CLASRP: variants seen among roughly 807,000 people sequenced by gnomAD.
CLASRP encodes the protein CLK4-associating serine/arginine rich protein.
A neutral mutation model predicts 99.9 loss-of-function variants in CLASRP; 52 were observed. The ratio of observed to expected loss-of-function variants is 0.52; its 90% CI spans 0.42 to 0.66. The LOEUF is 0.66. Ranked by LOEUF, CLASRP falls within the 30% of genes least tolerant of loss-of-function variation. The pLI is 0.00. For missense variants in CLASRP, 848 were observed against 999.2 expected (o/e 0.85, Z 2.04); for synonymous variants, 379 against 373.0 (o/e 1.02, Z -0.18).
chr19:45,064,304 C>G (rs755232335), intron 12 of CLASRP, 39 bp from the exon 13 acceptor site: 1 of 1,503,940 alleles, frequency 6.6e-7, no homozygotes, highest in Non-Finnish European at 8.9e-7. Context: ...GGCCGCGGCT[C>G]AGGCCTGCGC....
intron 13 of CLASRP, among the ~76,000 whole-genome samples, chr19:45,065,927 C>T (rs189402723): frequency 6.6e-6 from 1 of 152,318 alleles, no homozygotes; most frequent in Non-Finnish European, 1.5e-5. Context: ...TATTGTAGCA[C>T]TGATCGCCAT....
rs1180854582 is a variant in CLASRP at position 45,069,059 on chromosome 19, T to C, written c.1769-7T>C. The C allele has an allele frequency of 3.7e-6, 6 of 1,612,972 alleles. No individual in the cohort carries two copies. The South Asian group carries it at 6.6e-5, about 18-fold the overall frequency. On this transcript the variant is annotated splice_region_variant and splice_polypyrimidine_tract_variant and intron_variant, in intron 16 of 20. Transcript: ENST00000221455. ...CCCCTCAGCCACCCTGTTCTTTCTC[T>C]CTACAGTCAAGGCGGATAAGAAGGC...
intron 2 of CLASRP, among the ~76,000 whole-genome samples, chr19:45,043,411 CAAA>C (rs34898629): frequency 1.3e-4 from 11 of 81,748 alleles, no homozygotes; most frequent in Non-Finnish European, 1.6e-4. Flanking sequence ...GACTCCGTCC[CAAA>C]AAAAAAAAAA....
chr19:45,064,247 C>A lies in CLASRP; in HGVS notation c.1121+20C>A. On this transcript the variant is annotated intron_variant, in intron 12 of 20. Transcript: ENST00000221455. ...CGCCCGGTCGGTAACGCTCACGCCGCCCGCCCTACGCCCCGGTCACCATGG... is the reference window on the plus strand; with the variant it reads ...CGCCCGGTCGGTAACGCTCACGCCGACCGCCCTACGCCCCGGTCACCATGG... 1 of 1,563,566 alleles carries A rather than the reference C, an allele frequency of 6.4e-7. No individual in the cohort carries two copies. Among genetic ancestry groups the A allele is most frequent in the East Asian group, 2.3e-5 (1 of 42,810 alleles).
chr19:45,056,420 C>T (rs766860666), intron 5 of CLASRP, 30 bp from the exon 6 acceptor site: 20 of 1,604,744 alleles, frequency 1.2e-5, no homozygotes, highest in Middle Eastern at 1.7e-4. Context: ...CCCCAACCCA[C>T]TCTGACCTGG....
chr19:45,057,680 T>C, intron 6 of CLASRP, 70 bp from the exon 7 acceptor site: 1 of 1,575,290 alleles, frequency 6.3e-7, no homozygotes, highest in Non-Finnish European at 8.7e-7. Context: ...TCGAGACTGG[T>C]GTGTGGGGCT....
At chr19:45,044,719 A>G (rs1971883290) in intron 2 of CLASRP, among the ~76,000 whole-genome samples, 1 of 152,126 alleles carries the variant, frequency 6.6e-6, no homozygotes, top group South Asian at 2.1e-4. Flanking sequence ...CTGTGATTGC[A>G]CCACTGCACT....
Position 45,067,222 on chromosome 19 carries a change from G to A in CLASRP, c.1410-115G>A. 8.1e-7 allele frequency: 1 copy of A among 1,228,222 alleles called. No individual in the cohort carries two copies. The highest frequency in any genetic ancestry group is 2.9e-5 in the Admixed American group (1 of 33,916). The allele number at this position is 1,228,222 out of a possible 1,614,324, so 76.1% of individuals were successfully genotyped here. A position where few individuals can be genotyped will look rare whatever the true frequency, so the allele number is the denominator to read the frequency against. ...GGGAGAGTAGCAGGAGAGGAGAGTC[G>A]AGCCTGTCACCCTGGGCCTTGCAGG... On this transcript the variant is annotated intron_variant, in intron 13 of 20. Coordinates refer to ENST00000221455, the MANE Select transcript of CLASRP (RefSeq NM_007056.3). This position sits in a 1 kb window ranked among gnomAD's most constrained non-coding sequence, Gnocchi z 4.9.
At chr19:45,045,623 T>C (rs1372473719) in intron 2 of CLASRP, among the ~76,000 whole-genome samples, 1 of 152,040 alleles carries the variant, frequency 6.6e-6, no homozygotes, top group Non-Finnish European at 1.5e-5. Flanking sequence ...GGTGTAGACT[T>C]TATTTTGGGT....
chr19:45,068,889 G>A (rs1430566372), intron 16 of CLASRP, among the ~76,000 whole-genome samples, 177 bp from the exon 17 acceptor site: 1 of 151,988 alleles, frequency 6.6e-6, no homozygotes, highest in African/African-American at 2.4e-5. Flanking sequence ...TACTCAGGAG[G>A]CTGAGGCAGG....
chr19:45,039,880 A>T (rs1431132197), intron 1 of CLASRP: 2 of 214,548 alleles, frequency 9.3e-6, no homozygotes, highest in Admixed American at 1.0e-4. Context: ...TACTTCAAAC[A>T]CTGCTGATGT....
rs774206392 is a variant in CLASRP at position 45,068,470 on chromosome 19, G to A, written c.1758G>A (p.Leu586=). The change falls in exon 16 of 21, where the codon CTG becomes CTA. Residue 586 remains leucine (L), a synonymous_variant. Transcript: ENST00000221455. The stretch of plus-strand genomic sequence containing the variant: ...TGAAACTGAGGATGCAGAAGGCGCT[G>A]AACAGGCAGTGTATGTTCTGCCCTG... ...EKLKLRMQKA[L]NRQFKADKKA... 1.6e-5 allele frequency: 26 copies of A among 1,612,494 alleles called. No individual in the cohort carries two copies. The highest frequency in any genetic ancestry group is 2.0e-5 in the Non-Finnish European group (24 of 1,178,626).
intron 11 of CLASRP, among the ~76,000 whole-genome samples, 159 bp from the exon 12 acceptor site, chr19:45,063,853 C>G (rs1324465691): frequency 6.6e-6 from 1 of 152,290 alleles, no homozygotes; most frequent in East Asian, 1.9e-4. Flanking sequence ...AAGTCCTTGT[C>G]CAGAGCTGGG....
intron 2 of CLASRP, among the ~76,000 whole-genome samples, chr19:45,048,927 A>G (rs1486468625): frequency 1.3e-5 from 2 of 152,132 alleles, no homozygotes; most frequent in African/African-American, 4.8e-5. Flanking sequence ...CAGAGGTTGC[A>G]GTGAGCCGAG....
At chr19:45,056,197 G>A (rs916807392) in intron 5 of CLASRP, among the ~76,000 whole-genome samples, 9 of 152,184 alleles carry the variant, frequency 5.9e-5, no homozygotes, top group Admixed American at 2.0e-4. Flanking sequence ...CACTCTGCCC[G>A]TGGTCCCATT....
chr19:45,064,138 T>TGCC lies in CLASRP; in HGVS notation c.1035_1037dup (p.Ala348dup). 1 of 1,611,036 alleles carries TGCC rather than the reference T, an allele frequency of 6.2e-7. No individual in the cohort carries two copies. The highest frequency in any genetic ancestry group is 1.1e-5 in the South Asian group (1 of 91,032). Reference sequence around the variant, plus strand: ...ATGAGGAGGCAGCCGCAGCCGCTGCTGCCGCAGCAGCATCAGGAGTCACCA... The same window carrying TGCC: ...ATGAGGAGGCAGCCGCAGCCGCTGCTGCCGCCGCAGCAGCATCAGGAGTCACCA... On this transcript the variant is annotated inframe_insertion, in exon 12 of 21. Coordinates refer to ENST00000221455, the MANE Select transcript of CLASRP (RefSeq NM_007056.3).
chr19:45,052,669 A>G (rs892394367), intron 3 of CLASRP, 122 bp from the exon 4 acceptor site: 33 of 690,150 alleles, frequency 4.8e-5, no homozygotes, highest in Non-Finnish European at 7.2e-5. Flanking sequence ...GGGTCATGGC[A>G]TGGGGACCAA....
At chr19:45,065,393 A>G (rs865916763) in intron 13 of CLASRP, among the ~76,000 whole-genome samples, 5,315 of 142,066 alleles carry the variant, frequency 0.037, 115 homozygotes, top group African/African-American at 0.063. Context: ...CGTCTCAAAA[A>G]AAAAAAAAAA....
chr19:45,061,785 TATCATCATCATC>T (rs553847506), intron 10 of CLASRP, among the ~76,000 whole-genome samples: 3 of 151,362 alleles, frequency 2.0e-5, no homozygotes, highest in Non-Finnish European at 4.4e-5. Flanking sequence ...ATTTTAATCT[TATCATCATCATC>T]ATCATCATCA....
Sources: allele counts gnomAD v4.1 joint callset (sites outside exome capture counted in the v4.1 genomes callset), GRCh38; gene constraint gnomAD v4.1.1; non-coding constraint Gnocchi (gnomAD v3.1); transcripts MANE v1.5; gene names NCBI Gene and HGNC (gene_info 2026-07-23, HGNC 2026-07-21).